Variants in ANKS6 observed in about 807,000 individuals in gnomAD.
The protein encoded by ANKS6 is ankyrin repeat and SAM domain-containing protein 6.
In ANKS6, 47 loss-of-function variants were observed where a neutral mutation model predicts 77.9. The ratio of observed to expected loss-of-function variants is 0.60; its 90% confidence interval spans 0.48 to 0.77. The LOEUF (loss-of-function observed/expected upper bound fraction) is 0.77. Ranked by LOEUF, ANKS6 falls within the 30% of genes least tolerant of loss-of-function variation. The probability of loss-of-function intolerance (pLI) is 0.00; values close to 1 mark genes in which losing one functional copy is unlikely to be tolerated. For missense variants in ANKS6, 1,150 were observed against 1,159.1 expected, an observed-to-expected ratio of 0.99 and a Z score of 0.11; for synonymous variants, 488 against 501.7, an observed-to-expected ratio of 0.97 and a Z score of 0.37.
intron 11 of ANKS6, among the ~76,000 whole-genome samples, chr9:98,757,389 T>C (rs1257208612): frequency 1.3e-5 from 2 of 152,210 alleles, no homozygotes; most frequent in Non-Finnish European, 2.9e-5. Context: ...TTGTCTTTCA[T>C]GACCCTGACA....
intron 14 of ANKS6, among the ~76,000 whole-genome samples, chr9:98,744,603 A>C (rs531205524): frequency 2.6e-5 from 4 of 152,360 alleles, no homozygotes; most frequent in Non-Finnish European, 4.4e-5. Flanking sequence ...TGTCTGTTCA[A>C]TATTTCTGTG....
rs942310263 is a variant in ANKS6, at chr9:98,733,464, C to A, written c.*3055G>T. On this transcript the variant is annotated 3_prime_UTR_variant, in exon 15 of 15. Transcript: ENST00000353234. ...GGGACCCTGCCATCTCAAAGCAGGA[C>A]CGGTCCCCTGATGTCCCACTGCCAA... 13 of 985,386 alleles carry A rather than the reference C, an allele frequency of 1.3e-5. No homozygotes were observed. The highest frequency in any genetic ancestry group is 1.6e-5 in the Non-Finnish European group (13 of 830,020). 61.0% of individuals were successfully genotyped at this position (985,386 alleles called of 1,614,324 possible).
chr9:98,771,870 C>T (rs920021614), intron 9 of ANKS6, among the ~76,000 whole-genome samples: 24 of 152,148 alleles, frequency 1.6e-4, no homozygotes, highest in African/African-American at 4.8e-4. Context: ...GCACCCTCTT[C>T]GCTTACACTG....
intron 12 of ANKS6, among the ~76,000 whole-genome samples, chr9:98,752,801 T>C (rs186140368): frequency 6.6e-6 from 1 of 152,142 alleles, no homozygotes; most frequent in South Asian, 2.1e-4. Context: ...ACTTTTCTCA[T>C]GGGTGGTGCA....
intron 1 of ANKS6, among the ~76,000 whole-genome samples, chr9:98,790,854 A>G (rs1343728282): frequency 6.6e-6 from 1 of 152,118 alleles, no homozygotes; most frequent in Non-Finnish European, 1.5e-5. Flanking sequence ...AAGAACTTTG[A>G]TTTCTTTGTG....
Position 98,768,116 on chromosome 9 carries a change from C to G in ANKS6, c.2107G>C (p.Ala703Pro), listed in dbSNP as rs374439851. ...GGAGCGCTGCCACCTGCAGGGGAGG[C>G]TGGAAGCTCAGACGGGCTGGACCCC... The part of the protein sequence containing the change: ...APGSSPSELP[A>P]SPAGGSAPVG... The change falls in exon 11 of 15, where the codon GCC becomes CCC. Residue 703 changes from alanine (A) to proline (P), a missense_variant. Physicochemically the swap from Ala to Pro is conservative, Grantham distance 27. Coordinates refer to ENST00000353234, the MANE Select transcript of ANKS6 (RefSeq NM_173551.5). 5 of 1,612,520 alleles carry G rather than the reference C, an allele frequency of 3.1e-6. No individual in the cohort carries two copies. The African/African-American group carries it at 5.3e-5, about 17-fold the overall frequency.
intron 5 of ANKS6, among the ~76,000 whole-genome samples, chr9:98,781,753 A>G (rs1387652522): frequency 2.6e-5 from 4 of 152,172 alleles, no homozygotes; most frequent in Non-Finnish European, 5.9e-5. Context: ...GTGACTGCAG[A>G]GGTGAAAGTC....
chr9:98,769,570 G>A (rs1833511616), intron 10 of ANKS6, among the ~76,000 whole-genome samples: 1 of 152,180 alleles, frequency 6.6e-6, no homozygotes, highest in African/African-American at 2.4e-5. Context: ...AACATAAAAA[G>A]GTGCTCACAA....
chr9:98,768,920 G>T (rs2118017406), intron 10 of ANKS6, among the ~76,000 whole-genome samples: 1 of 152,220 alleles, frequency 6.6e-6, no homozygotes, highest in Non-Finnish European at 1.5e-5. Context: ...ACAAGGTAGA[G>T]ATCGAGACCA....
At chr9:98,795,575 C>T (rs1237919629) in intron 1 of ANKS6, among the ~76,000 whole-genome samples, 2 of 152,228 alleles carry the variant, frequency 1.3e-5, no homozygotes, top group Non-Finnish European at 2.9e-5. Flanking sequence ...TCCCATCATG[C>T]CTTCCCACAG....
Position 98,733,787 on chromosome 9 carries a change from C to T in ANKS6, c.*2732G>A. ...TAGCTCGCTTTAGTGTCTGCCAAACCTACTCAACCAGGGAACCTCACCCCA... is the reference window on the plus strand; with the variant it reads ...TAGCTCGCTTTAGTGTCTGCCAAACTTACTCAACCAGGGAACCTCACCCCA... On this transcript the variant is annotated 3_prime_UTR_variant, in exon 15 of 15. Coordinates refer to ENST00000353234, the MANE Select transcript of ANKS6 (RefSeq NM_173551.5). 1 of 985,434 alleles carries T rather than the reference C, an allele frequency of 1.0e-6. No homozygotes were observed. 61.0% of individuals were successfully genotyped at this position (985,434 alleles called of 1,614,324 possible).
At chr9:98,772,628 G>C (rs879859868) in intron 9 of ANKS6, among the ~76,000 whole-genome samples, 3 of 152,204 alleles carry the variant, frequency 2.0e-5, no homozygotes, top group Non-Finnish European at 4.4e-5. Flanking sequence ...GGGAGGGACA[G>C]TGACACGATC....
chr9:98,767,966 G>A (rs1385838844), intron 11 of ANKS6, 115 bp downstream of exon 11: 22 of 1,375,152 alleles, frequency 1.6e-5, no homozygotes, highest in Non-Finnish European at 2.0e-5. Context: ...GGCTGGAAGG[G>A]GCCTGTCTTT....
rs1212615415 is a variant in ANKS6 at position 98,790,246 on chromosome 9, C to T, written c.720G>A (p.Val240=). The T allele has an allele frequency of 3.1e-6, 5 of 1,606,062 alleles. No individual in the cohort carries two copies. In the African/African-American group the frequency reaches 4.0e-5, roughly 13 times the overall value. The change falls in exon 2 of 15, where the codon GTG becomes GTA. Residue 240 remains valine (V), a synonymous_variant. Transcript: ENST00000353234. ...MLAALTGRLG[V]AQQLVEKGAN... is the part of the protein sequence containing the mutation. The stretch of plus-strand genomic sequence containing the variant: ...CGCCCTTCTCCACCAGCTGCTGGGC[C>T]ACTCCAAGCCGCCCAGTGAGTGCGG...
At chr9:98,793,223 G>C (rs950960923) in intron 1 of ANKS6, among the ~76,000 whole-genome samples, 4 of 152,168 alleles carry the variant, frequency 2.6e-5, no homozygotes, top group African/African-American at 9.7e-5. Context: ...GGCAAATTTG[G>C]CAAGCCGCTT....
chr9:98,781,376 G>A (rs943043280), intron 5 of ANKS6, among the ~76,000 whole-genome samples: 2 of 152,176 alleles, frequency 1.3e-5, no homozygotes, highest in African/African-American at 4.8e-5. Context: ...GAAAAGATGA[G>A]TTTCTCAGAA....
At chr9:98,793,890 G>A (rs906930921) in intron 1 of ANKS6, among the ~76,000 whole-genome samples, 62 of 147,838 alleles carry the variant, frequency 4.2e-4, no homozygotes, top group African/African-American at 1.4e-3. Flanking sequence ...GGTGGCTCAC[G>A]CCTGTAATCG....
chr9:98,756,374 C>T (rs368217368), intron 12 of ANKS6, 46 bp downstream of exon 12: 5 of 1,586,598 alleles, frequency 3.2e-6, no homozygotes, highest in African/African-American at 1.4e-5. Flanking sequence ...GCCAGGTCAT[C>T]ATGGTGAGAG....
In ANKS6 at chr9:98,790,596, C is replaced by T; in HGVS notation, c.370G>A (p.Val124Met). The change falls in exon 2 of 15, where the codon GTG becomes ATG. Residue 124 changes from valine (V) to methionine (M), a missense_variant. Coordinates refer to ENST00000353234, the MANE Select transcript of ANKS6 (RefSeq NM_173551.5). ...ALMQAARFGH[V>M]SVAHLLLDHG... ...TCCAACAGGAGGTGTGCCACACTCA[C>T]ATGCCCAAATCTGCCAGGAAGATGG... is the stretch of plus-strand genomic sequence containing the variant. The T allele has an allele frequency of 6.3e-7, 1 of 1,597,948 alleles. No individual in the cohort carries two copies. Among genetic ancestry groups the T allele is most frequent in the Non-Finnish European group, 8.6e-7 (1 of 1,166,986 alleles).
Sources: gnomAD v4.1 joint callset for allele counts (sites outside exome capture counted in the v4.1 genomes callset) on GRCh38, gnomAD v4.1.1 for gene constraint, MANE v1.5 for transcripts, NCBI Gene and HGNC (gene_info 2026-07-23, HGNC 2026-07-21) for gene names.